NFASC: variants seen among roughly 807,000 people sequenced by gnomAD.
The protein encoded by NFASC is neurofascin homolog.
A neutral mutation model predicts 147.5 loss-of-function variants in NFASC; 43 were observed. The observed-to-expected ratio is 0.29, with a 90% CI of 0.23 to 0.38. The LOEUF is 0.38. NFASC is among the 10% of genes least tolerant of loss of function. NFASC has a pLI of 1.00. For synonymous variants in NFASC, 622 were observed against 665.5 expected, an observed-to-expected ratio of 0.93 and a Z score of 1.01; for missense variants, 1,320 against 1,689.0, an observed-to-expected ratio of 0.78 and a Z score of 3.83.
chr1:204,868,156 G>C lies in NFASC; in HGVS notation c.-200+39374G>C, dbSNP rs570017269. On this transcript the variant is annotated intron_variant, in intron 1 of 29. Coordinates refer to ENST00000339876, the MANE Select transcript of NFASC (RefSeq NM_001005388.3). ...CCCTTCACTGCAGTAGTTACAGTCA[G>C]TGAGCAAATCCAGCTGGACGGCCTC... Among the ~76,000 whole-genome samples, 149 of 152,376 alleles carry C rather than the reference G, an allele frequency of 9.8e-4. 5 individuals carry two copies. The South Asian group carries it at 0.03, about 30-fold the overall frequency.
intron 2 of NFASC, among the ~76,000 whole-genome samples, chr1:204,941,646 G>A (rs1489755874): frequency 1.3e-5 from 2 of 152,200 alleles, no homozygotes; most frequent in Non-Finnish European, 2.9e-5. Flanking sequence ...CTTTGGAGAT[G>A]TATAAGCCAA....
At chr1:204,949,411 C>G (rs1479719557) in intron 3 of NFASC, among the ~76,000 whole-genome samples, 2 of 152,242 alleles carry the variant, frequency 1.3e-5, no homozygotes, top group East Asian at 3.8e-4. Context: ...CTGATGCTGG[C>G]AGCTCGCAGC....
At chr1:204,963,587 G>C (rs886480713) in intron 8 of NFASC, among the ~76,000 whole-genome samples, 1 of 152,182 alleles carries the variant, frequency 6.6e-6, no homozygotes, top group African/African-American at 2.4e-5. Flanking sequence ...TATTGCAAGA[G>C]AATGAGTGGG....
At chr1:204,978,616 G>A (rs887912277) in intron 17 of NFASC, among the ~76,000 whole-genome samples, 2 of 152,248 alleles carry the variant, frequency 1.3e-5, no homozygotes, top group African/African-American at 2.4e-5. Flanking sequence ...TAAGTGTCGT[G>A]AGCATGGGTC....
At position 204,828,730 on chromosome 1, in the gene NFASC, C is replaced by G; in HGVS notation, c.-252C>G. The G allele has an allele frequency of 1.0e-6, 1 of 985,894 alleles. No individual in the cohort carries two copies. Among genetic ancestry groups the G allele is most frequent in the Non-Finnish European group, 1.2e-6 (1 of 830,390 alleles). 61.1% of individuals were successfully genotyped at this position (985,894 alleles called of 1,614,324 possible). On this transcript the variant is annotated 5_prime_UTR_variant, in exon 1 of 30. Coordinates refer to ENST00000339876, the MANE Select transcript of NFASC (RefSeq NM_001005388.3). ...AGGGGACGCGGGGGAAGTGGCGGCG[C>G]CGGCAGCGGACAGCTCGGACAGCGC...
At chr1:204,901,575 T>G (rs2149197552) in intron 1 of NFASC, among the ~76,000 whole-genome samples, 1 of 152,260 alleles carries the variant, frequency 6.6e-6, no homozygotes, top group South Asian at 2.1e-4. Context: ...GGGGGAAATC[T>G]TGATTGGAAT....
Position 204,957,671 on chromosome 1 carries a change from C to T in NFASC, c.551C>T (p.Thr184Ile), listed in dbSNP as rs199573837. 3 of 1,614,170 alleles carry T rather than the reference C, an allele frequency of 1.9e-6. No individual in the cohort carries two copies. The African/African-American group carries it at 4.0e-5, about 22-fold the overall frequency. The stretch of plus-strand genomic sequence containing the variant: ...TTTCTTATAGCCATGGAGCCCATCA[C>T]CCAAGACAAACGTGTCTCTCAGGGC... ...FWMSSSMEPI[T>I]QDKRVSQGHN... Residue 184 changes from threonine (T) to isoleucine (I), a missense_variant, in exon 8 of 30, where the codon ACC becomes ATC. Coordinates refer to ENST00000339876, the MANE Select transcript of NFASC (RefSeq NM_001005388.3).
chr1:204,907,543 C>T (rs935780167), intron 1 of NFASC, among the ~76,000 whole-genome samples: 1 of 152,196 alleles, frequency 6.6e-6, no homozygotes, highest in Non-Finnish European at 1.5e-5. Context: ...CCCAGTGTCA[C>T]CAACAATCAC....
At chr1:204,918,746 C>T (rs757316314) in intron 1 of NFASC, among the ~76,000 whole-genome samples, 3 of 150,104 alleles carry the variant, frequency 2.0e-5, no homozygotes, top group East Asian at 4.0e-4. Context: ...CCATGACGCC[C>T]GGCTAATTTT....
At chr1:204,977,601 G>A (rs1249196050) in intron 16 of NFASC, 80 bp from the exon 17 acceptor site, 23 of 1,373,420 alleles carry the variant, frequency 1.7e-5, no homozygotes, top group Middle Eastern at 3.6e-4. Flanking sequence ...TTTAAGCCTC[G>A]GCTGCCTACC....
intron 1 of NFASC, among the ~76,000 whole-genome samples, chr1:204,907,321 T>C (rs1024993860): frequency 1.6e-4 from 25 of 152,236 alleles, no homozygotes; most frequent in Non-Finnish European, 3.4e-4. Context: ...GTTTGTTTTC[T>C]TACTATTCCA....
chr1:204,946,283 A>C (rs1018799516), intron 3 of NFASC: 1 of 508,076 alleles, frequency 2.0e-6, no homozygotes, highest in African/African-American at 1.9e-5. Context: ...TAAGTGCTGC[A>C]TGTGCCTCAT....
chr1:204,932,949 CAGGGGATCACATGTGTA>C (rs1439748484), intron 2 of NFASC, among the ~76,000 whole-genome samples: 1 of 152,066 alleles, frequency 6.6e-6, no homozygotes, highest in Non-Finnish European at 1.5e-5. Flanking sequence ...CTTCCAGGCA[CAGGGGATCACATGTGTA>C]AGGTATGGAG....
At chr1:204,998,549 A>G (rs2095899435) in intron 25 of NFASC, 1 of 152,264 alleles carries the variant, frequency 6.6e-6, no homozygotes, top group Non-Finnish European at 1.5e-5. Flanking sequence ...GACGAGAGGC[A>G]TAGCTGCTGT....
intron 2 of NFASC, among the ~76,000 whole-genome samples, chr1:204,941,250 T>A (rs1352807230): frequency 6.6e-6 from 1 of 152,230 alleles, no homozygotes; most frequent in Admixed American, 6.5e-5. Flanking sequence ...TAAATTCTTT[T>A]CCTCTTGTAA....
chr1:204,968,140 G>A lies in NFASC; in HGVS notation c.707-109G>A. On this transcript the variant is annotated intron_variant, in intron 8 of 29. Coordinates refer to ENST00000339876, the MANE Select transcript of NFASC (RefSeq NM_001005388.3). The surrounding 1 kb of genome is among the most constrained non-coding windows in gnomAD (Gnocchi z 5.4). ...GTCCTTGGGATGGTTTCAGCTGGGA[G>A]GATCCGGCAGGGGCGGTGATGCCAC... 2.6e-6 allele frequency: 2 copies of A among 777,676 alleles called. No homozygotes were observed. Among genetic ancestry groups the A allele is most frequent in the Non-Finnish European group, 4.5e-6 (2 of 446,576 alleles). 48.2% of individuals were successfully genotyped at this position (777,676 alleles called of 1,614,324 possible).
At chr1:204,957,635 C>T (rs373590390) in intron 7 of NFASC, 21 bp from the exon 8 acceptor site, 34 of 1,612,258 alleles carry the variant, frequency 2.1e-5, no homozygotes, top group Admixed American at 8.3e-5. Flanking sequence ...AACCTGCTGC[C>T]GTACCTCTGC....
intron 8 of NFASC, among the ~76,000 whole-genome samples, chr1:204,959,651 A>G (rs1441141809): frequency 6.6e-6 from 1 of 152,244 alleles, no homozygotes; most frequent in South Asian, 2.1e-4. Flanking sequence ...ACGACGCTAG[A>G]AATCGGCCTG....
chr1:204,906,894 A>G (rs539262765), intron 1 of NFASC, among the ~76,000 whole-genome samples: 20 of 152,286 alleles, frequency 1.3e-4, no homozygotes, highest in African/African-American at 3.1e-4. Context: ...CATGTTAGCC[A>G]GGATGGTCTG....
Sources: gnomAD v4.1 joint callset for allele counts (sites outside exome capture counted in the v4.1 genomes callset) on GRCh38, gnomAD v4.1.1 for gene constraint, Gnocchi (gnomAD v3.1) non-coding constraint, MANE v1.5 for transcripts, NCBI Gene and HGNC (gene_info 2026-07-23, HGNC 2026-07-21) for gene names.